Variants in FAM78B observed in about 807,000 individuals in gnomAD.
FAM78B encodes family with sequence similarity 78 member B.
FAM78B carries 10 observed loss-of-function variants against 20.0 expected under a neutral mutation model. The observed-to-expected ratio is 0.50, with a 90% confidence interval of 0.31 to 0.85. FAM78B has a LOEUF of 0.85. Ranked by LOEUF, FAM78B falls within the 40% of genes least tolerant of loss-of-function variation. FAM78B has a pLI of 0.05. For synonymous variants in FAM78B, 135 were observed against 132.8 expected (o/e 1.02, Z -0.12); for missense variants, 283 against 345.0 (o/e 0.82, Z 1.42).
In FAM78B at chr1:166,069,642, G is replaced by A. The variant is rs1306674216; in HGVS notation, c.*599C>T. On this transcript the variant is annotated 3_prime_UTR_variant, in exon 2 of 2. Transcript: ENST00000354422. ...AGGAGGCTTTCTCCCTCAGAAAGGA[G>A]CAAATATCAGTATTTGTCTAGTTTT... 1.3e-5 allele frequency: 2 copies of A among 152,262 alleles called. No individual in the cohort carries two copies. Among genetic ancestry groups the A allele is most frequent in the Non-Finnish European group, 2.9e-5 (2 of 68,072 alleles). The allele number at this position is 152,262 out of a possible 1,614,324, so 9.4% of individuals were successfully genotyped here.
rs1656431248 is a variant in FAM78B at position 166,166,994 on chromosome 1, T to A, written c.-746A>T. On this transcript the variant is annotated 5_prime_UTR_variant, in exon 1 of 2. Coordinates refer to ENST00000354422, the MANE Select transcript of FAM78B (RefSeq NM_001017961.5). The stretch of plus-strand genomic sequence containing the variant: ...CGTGCTCCGCGGAGGAAACTGGCTG[T>A]ACGCCATGAGTTTTGTCCCTATTCG... 7.3e-6 allele frequency: 1 copy of A among 136,734 alleles called. No individual in the cohort carries two copies. 8.5% of individuals were successfully genotyped at this position (136,734 alleles called of 1,614,324 possible). A position where few individuals can be genotyped will look rare whatever the true frequency, so the allele number is the denominator to read the frequency against.
In FAM78B at chr1:166,060,556, C is replaced by G. The variant is rs1311421911; in HGVS notation, c.*517G>C. On this transcript the variant is annotated 3_prime_UTR_variant and NMD_transcript_variant, in exon 3 of 3. Coordinates refer to the FAM78B transcript ENST00000435676. The stretch of plus-strand genomic sequence containing the variant: ...GGCACACATTTTAATGGGAAATCAG[C>G]TGTCCAGGGATTCAGCTTCTGGAGC... 4 of 1,235,684 alleles carry G rather than the reference C, an allele frequency of 3.2e-6. No individual in the cohort carries two copies. In the Admixed American group the frequency reaches 9.2e-5, roughly 28 times the overall value. 76.5% of individuals were successfully genotyped at this position (1,235,684 alleles called of 1,614,324 possible). A position where few individuals can be genotyped will look rare whatever the true frequency, so the allele number is the denominator to read the frequency against.
downstream of FAM78B, among the ~76,000 whole-genome samples, chr1:166,068,865 G>C (rs1050961360): frequency 6.6e-6 from 1 of 152,094 alleles, no homozygotes; most frequent in African/African-American, 2.4e-5. Flanking sequence ...GGGGGAGGAA[G>C]GGTGATTCAA....
chr1:166,125,274 T>C (rs1360665904), intron 1 of FAM78B, among the ~76,000 whole-genome samples: 1 of 152,058 alleles, frequency 6.6e-6, no homozygotes, highest in South Asian at 2.1e-4. Context: ...AAATAAGCCA[T>C]TGGATGCCCC....
intron 1 of FAM78B, among the ~76,000 whole-genome samples, chr1:166,164,283 G>A (rs1009205766): frequency 3.3e-5 from 5 of 152,238 alleles, no homozygotes; most frequent in African/African-American, 9.6e-5. Flanking sequence ...GCAACCCACT[G>A]CCATCAGGGT....
downstream of FAM78B, among the ~76,000 whole-genome samples, chr1:166,069,025 T>C (rs1226739630): frequency 6.6e-6 from 1 of 152,192 alleles, no homozygotes; most frequent in Non-Finnish European, 1.5e-5. Flanking sequence ...TAGATTTTCT[T>C]TGAAGAGCTC....
At chr1:166,137,096 G>A (rs905040609) in intron 1 of FAM78B, among the ~76,000 whole-genome samples, 3 of 152,210 alleles carry the variant, frequency 2.0e-5, no homozygotes, top group African/African-American at 7.2e-5. Flanking sequence ...GTGATGTAGA[G>A]AGCATGAGGT....
chr1:166,078,151 ACTCCCGAGTAG>A (rs1427343744), intron 1 of FAM78B, among the ~76,000 whole-genome samples: 1 of 150,746 alleles, frequency 6.6e-6, no homozygotes. Context: ...TCTGCCTCAG[ACTCCCGAGTAG>A]CTGGGACTAC....
At chr1:166,124,100 A>G (rs1018986437) in intron 1 of FAM78B, among the ~76,000 whole-genome samples, 2 of 152,178 alleles carry the variant, frequency 1.3e-5, no homozygotes, top group Admixed American at 1.3e-4. Flanking sequence ...GGCTGCCACC[A>G]TAGCAAAACC....
chr1:166,157,696 G>A (rs1024891259), intron 1 of FAM78B, among the ~76,000 whole-genome samples: 3 of 152,098 alleles, frequency 2.0e-5, no homozygotes, highest in Non-Finnish European at 4.4e-5. Context: ...TCATCCACCC[G>A]AACAGCAACT....
chr1:166,101,957 G>C (rs1028988283), intron 1 of FAM78B, among the ~76,000 whole-genome samples: 2 of 152,190 alleles, frequency 1.3e-5, no homozygotes, highest in Non-Finnish European at 2.9e-5. Flanking sequence ...GGCAGCCAGA[G>C]AGAAAGGTCA....
intron 1 of FAM78B, among the ~76,000 whole-genome samples, chr1:166,112,018 T>C (rs1162863490): frequency 1.3e-5 from 2 of 152,210 alleles, no homozygotes; most frequent in Non-Finnish European, 2.9e-5. Context: ...AAGACATGAC[T>C]CAGTGCTGTG....
At position 166,142,966 on chromosome 1, in the gene FAM78B, G is replaced by A. The variant is rs774154508; in HGVS notation, c.263+23020C>T. On this transcript the variant is annotated intron_variant, in intron 1 of 1. Transcript: ENST00000354422. ...ATGGTTTGGTCAATGGTACAGTAGTGTAAGAGGCCATAGAGCCCAGTGGTT... is the reference window on the plus strand; with the variant it reads ...ATGGTTTGGTCAATGGTACAGTAGTATAAGAGGCCATAGAGCCCAGTGGTT... Among the ~76,000 whole-genome samples, 26 of 152,294 alleles carry A rather than the reference G, an allele frequency of 1.7e-4. 1 individual carries two copies. The highest frequency in any genetic ancestry group is 3.4e-3 in the Middle Eastern group (1 of 294).
chr1:166,117,465 A>C (rs1267542833), intron 1 of FAM78B, among the ~76,000 whole-genome samples: 1 of 151,626 alleles, frequency 6.6e-6, no homozygotes, highest in Non-Finnish European at 1.5e-5. Flanking sequence ...ACCCCATATC[A>C]CATTTCCTCA....
At chr1:166,099,360 CA>C (rs1018310392) in intron 1 of FAM78B, among the ~76,000 whole-genome samples, 1 of 151,914 alleles carries the variant, frequency 6.6e-6, no homozygotes, top group Non-Finnish European at 1.5e-5. Flanking sequence ...AACAAACAAA[CA>C]AAAAAACGAA....
At position 166,161,491 on chromosome 1, in the gene FAM78B, T is replaced by G. The variant is rs201504209; in HGVS notation, c.263+4495A>C. On this transcript the variant is annotated intron_variant, in intron 1 of 1. Transcript: ENST00000354422. Reference sequence around the variant, plus strand: ...GCAAGAAACTAATAACATCTACATTTTTAATACATCACTCTGGCTGCTATG... The same window carrying G: ...GCAAGAAACTAATAACATCTACATTGTTAATACATCACTCTGGCTGCTATG... 2.6e-4 allele frequency among the ~76,000 whole-genome samples: 39 copies of G among 152,340 alleles called. No homozygotes were observed. In the East Asian group the frequency reaches 5.0e-3, roughly 20 times the overall value.
chr1:166,079,475 G>A (rs1652479502), intron 1 of FAM78B, among the ~76,000 whole-genome samples: 1 of 152,210 alleles, frequency 6.6e-6, no homozygotes, highest in Admixed American at 6.5e-5. Context: ...TGGGCCCACG[G>A]GGTGGCCAGA....
At chr1:166,075,762 T>C (rs1652245951) in intron 1 of FAM78B, among the ~76,000 whole-genome samples, 1 of 152,236 alleles carries the variant, frequency 6.6e-6, no homozygotes, top group Non-Finnish European at 1.5e-5. Context: ...CTCTTTTCTA[T>C]CTATTTGCAT....
chr1:166,125,702 C>G (rs1654616130), intron 1 of FAM78B, among the ~76,000 whole-genome samples: 1 of 152,140 alleles, frequency 6.6e-6, no homozygotes, highest in Admixed American at 6.5e-5. Context: ...ATAACCTACG[C>G]ACATCCTCCT....
Sources: allele counts gnomAD v4.1 joint callset (sites outside exome capture counted in the v4.1 genomes callset), GRCh38; gene constraint gnomAD v4.1.1; transcripts MANE v1.5; gene names NCBI Gene and HGNC (gene_info 2026-07-23, HGNC 2026-07-21).